ACYP2: variants seen among roughly 807,000 people sequenced by gnomAD.
ACYP2 encodes acylphosphatase-2.
Under a neutral mutation model 11.2 loss-of-function variants are expected in ACYP2, and 12 were observed. That is an observed-to-expected ratio of 1.08 (90% confidence interval 0.69 to 1.74). The LOEUF is 1.74. Ranked by LOEUF, ACYP2 falls within the 40% of genes most tolerant of loss-of-function variation. The pLI, the probability that ACYP2 is intolerant of heterozygous loss-of-function variation, is 0.00. For synonymous variants in ACYP2, 43 were observed against 32.2 expected, an observed-to-expected ratio of 1.33 and a Z score of -1.13; for missense variants, 134 against 101.9, an observed-to-expected ratio of 1.31 and a Z score of -1.35.
chr2:54,122,785 A>G (rs1680235924), intron 4 of ACYP2, among the ~76,000 whole-genome samples: 1 of 152,216 alleles, frequency 6.6e-6, no homozygotes, highest in Non-Finnish European at 1.5e-5. Flanking sequence ...ATGGGCTAGA[A>G]GTCTTGAGAC....
chr2:54,076,762 G>A (rs1436822488), intron 4 of ACYP2, among the ~76,000 whole-genome samples: 2 of 152,246 alleles, frequency 1.3e-5, no homozygotes, highest in Non-Finnish European at 2.9e-5. Flanking sequence ...GGCCTGGAGT[G>A]GAGGTGGTGG....
intron 6 of ACYP2, among the ~76,000 whole-genome samples, chr2:54,269,919 C>T (rs1688207770): frequency 6.6e-6 from 1 of 152,068 alleles, no homozygotes; most frequent in African/African-American, 2.4e-5. Context: ...GACTATATAA[C>T]AGTCTGTTGA....
intron 2 of ACYP2, among the ~76,000 whole-genome samples, chr2:54,024,565 A>G (rs777352803): frequency 6.6e-6 from 1 of 152,228 alleles, no homozygotes; most frequent in Non-Finnish European, 1.5e-5. Context: ...CCCTTACAAA[A>G]TTGGCATAGA....
intron 2 of ACYP2, among the ~76,000 whole-genome samples, chr2:54,007,691 C>CT (rs1371649989): frequency 1.5e-4 from 23 of 151,564 alleles, no homozygotes; most frequent in African/African-American, 4.8e-4. Flanking sequence ...ATGCGGAAAC[C>CT]CTGTCTCTAC....
chr2:54,176,133 G>A (rs1409556764), intron 6 of ACYP2, among the ~76,000 whole-genome samples: 1 of 152,134 alleles, frequency 6.6e-6, no homozygotes, highest in Non-Finnish European at 1.5e-5. Flanking sequence ...CCAGTCTAAG[G>A]TATTTTGTTT....
chr2:54,139,652 C>G (rs1443013821), intron 6 of ACYP2, among the ~76,000 whole-genome samples: 3 of 152,160 alleles, frequency 2.0e-5, no homozygotes, highest in South Asian at 2.1e-4. Context: ...AAGTAACACT[C>G]AATTTATTTT....
At chr2:54,107,724 G>A (rs1679240668) in intron 4 of ACYP2, among the ~76,000 whole-genome samples, 1 of 152,070 alleles carries the variant, frequency 6.6e-6, no homozygotes, top group Non-Finnish European at 1.5e-5. Context: ...ATATCAATTC[G>A]GGAATCCATT....
intron 2 of ACYP2, among the ~76,000 whole-genome samples, chr2:54,008,651 A>G (rs750819188): frequency 3.9e-5 from 6 of 151,988 alleles, no homozygotes; most frequent in Admixed American, 1.3e-4. Context: ...ACATTCCACC[A>G]CGCCTGGTTA....
chr2:54,041,222 C>G (rs1046579827), intron 2 of ACYP2, among the ~76,000 whole-genome samples: 4 of 152,008 alleles, frequency 2.6e-5, no homozygotes, highest in African/African-American at 9.7e-5. Flanking sequence ...GCTGGGATTA[C>G]AGGCATGAGC....
chr2:54,159,163 C>T (rs1572869629), intron 6 of ACYP2, among the ~76,000 whole-genome samples: 1 of 150,382 alleles, frequency 6.6e-6, no homozygotes, highest in South Asian at 2.1e-4. Flanking sequence ...AAGTCAAGCT[C>T]CCTGGGCTTT....
intron 6 of ACYP2, chr2:54,143,059 T>G (rs1681690190): frequency 6.6e-6 from 1 of 152,236 alleles, no homozygotes; most frequent in African/African-American, 2.4e-5. Flanking sequence ...TATCAGTTTT[T>G]TAAAAAACTA....
At chr2:54,126,817 G>T (rs1396767189) in intron 4 of ACYP2, among the ~76,000 whole-genome samples, 3 of 152,086 alleles carry the variant, frequency 2.0e-5, no homozygotes, top group African/African-American at 7.2e-5. Context: ...AGGTGTGGTG[G>T]TGTGCATGTG....
chr2:54,291,729 T>A (rs1269863729), intron 6 of ACYP2, among the ~76,000 whole-genome samples: 1 of 152,228 alleles, frequency 6.6e-6, no homozygotes, highest in East Asian at 1.9e-4. Context: ...ACAATTCTGG[T>A]GGTGCCTTCC....
intron 4 of ACYP2, among the ~76,000 whole-genome samples, chr2:54,064,309 C>T (rs758073275): frequency 2.6e-5 from 4 of 152,194 alleles, no homozygotes; most frequent in Non-Finnish European, 5.9e-5. Context: ...AGCCAGTCAA[C>T]ACCACCCAGC....
intron 6 of ACYP2, among the ~76,000 whole-genome samples, chr2:54,219,857 A>ATGTGTG (rs771365126): frequency 0.16 from 6,649 of 40,570 alleles, 786 homozygotes; most frequent in African/African-American, 0.3. Flanking sequence ...GTGTATATAG[A>ATGTGTG]TGTGTGTGTG....
At chr2:54,264,564 C>G (rs958038608) in intron 6 of ACYP2, among the ~76,000 whole-genome samples, 1 of 152,180 alleles carries the variant, frequency 6.6e-6, no homozygotes, top group Non-Finnish European at 1.5e-5. Flanking sequence ...GTGCTGCAAA[C>G]TCACATGTAA....
At chr2:54,003,316 A>T (rs1672891110) in intron 2 of ACYP2, among the ~76,000 whole-genome samples, 2 of 151,180 alleles carry the variant, frequency 1.3e-5, no homozygotes, top group African/African-American at 2.4e-5. Flanking sequence ...CTGGGGTGCA[A>T]TGGCGTGATC....
chr2:54,201,636 C>CTTTCTTTCTTTCTTTCTTTCTTTCTT (rs59874821), intron 6 of ACYP2, among the ~76,000 whole-genome samples: 14 of 93,694 alleles, frequency 1.5e-4, no homozygotes, highest in East Asian at 9.7e-4. Context: ...TTCTTTCTTT[C>CTTTCTTTCTTTCTTTCTTTCTTTCTT]TCTTTCTTTC....
At chr2:54,300,030 A>G (rs1317250637) in intron 6 of ACYP2, among the ~76,000 whole-genome samples, 1 of 151,864 alleles carries the variant, frequency 6.6e-6, no homozygotes, top group African/African-American at 2.4e-5. Context: ...AAATTACCTT[A>G]CCTCCCTCAC....
Sources: gnomAD v4.1 joint callset for allele counts (sites outside exome capture counted in the v4.1 genomes callset) on GRCh38, gnomAD v4.1.1 for gene constraint, MANE v1.5 for transcripts, NCBI Gene and HGNC (gene_info 2026-07-23, HGNC 2026-07-21) for gene names.